ATXN2: variants seen among roughly 807,000 people sequenced by gnomAD.
ATXN2 encodes ataxin-2.
Under a neutral mutation model 138.6 loss-of-function variants are expected in ATXN2, and 37 were observed. The observed-to-expected ratio is 0.27, with a 90% CI of 0.21 to 0.35. The LOEUF is 0.35. Among genes scored for constraint, ATXN2 ranks in the 10% least tolerant of loss-of-function variants. The pLI is 1.00. For missense variants in ATXN2, 1,216 were observed against 1,480.3 expected (o/e 0.82, Z 2.93); for synonymous variants, 549 against 543.7 (o/e 1.01, Z -0.13).
At chr12:111,527,914 G>A (rs993638297) in intron 5 of ATXN2, among the ~76,000 whole-genome samples, 10 of 152,178 alleles carry the variant, frequency 6.6e-5, no homozygotes, top group African/African-American at 2.4e-4. Context: ...ATTTAGCCAT[G>A]TGTATTTTCA....
At chr12:111,589,086 G>A (rs906147421) in intron 1 of ATXN2, among the ~76,000 whole-genome samples, 4 of 149,612 alleles carry the variant, frequency 2.7e-5, no homozygotes, top group African/African-American at 4.9e-5. Flanking sequence ...AGGACGAGGC[G>A]GGTGGATCAT....
intron 8 of ATXN2, among the ~76,000 whole-genome samples, chr12:111,518,656 C>T (rs763872476): frequency 6.6e-6 from 1 of 152,188 alleles, no homozygotes; most frequent in African/African-American, 2.4e-5. Flanking sequence ...TTAACAGATG[C>T]GTGCTCATTC....
At chr12:111,462,969 T>TACACAC (rs199797015) in intron 21 of ATXN2, among the ~76,000 whole-genome samples, 3,128 of 136,144 alleles carry the variant, frequency 0.023, 115 homozygotes, top group African/African-American at 0.083. Flanking sequence ...CATACATATA[T>TACACAC]ATATATATAC....
intron 1 of ATXN2, among the ~76,000 whole-genome samples, chr12:111,567,991 T>G (rs1282144504): frequency 6.6e-6 from 1 of 152,166 alleles, no homozygotes; most frequent in Non-Finnish European, 1.5e-5. Flanking sequence ...CCGGGCGCAG[T>G]GGCTCACACC....
At chr12:111,591,596 T>G (rs1884667755) in intron 1 of ATXN2, among the ~76,000 whole-genome samples, 1 of 152,086 alleles carries the variant, frequency 6.6e-6, no homozygotes, top group Non-Finnish European at 1.5e-5. Flanking sequence ...CCCCATAGAT[T>G]GAGGCTGCAC....
chr12:111,542,722 A>G (rs1014058800), intron 5 of ATXN2, among the ~76,000 whole-genome samples: 3 of 152,138 alleles, frequency 2.0e-5, no homozygotes, highest in Non-Finnish European at 4.4e-5. Flanking sequence ...TCAGCCTCCA[A>G]AAGTGTTGAA....
intron 5 of ATXN2, among the ~76,000 whole-genome samples, chr12:111,539,618 G>A (rs985761808): frequency 2.7e-5 from 4 of 149,434 alleles, no homozygotes; most frequent in African/African-American, 4.9e-5. Context: ...GCTGTGGCGG[G>A]TACCTCTAGT....
At chr12:111,573,143 G>C (rs951130231) in intron 1 of ATXN2, among the ~76,000 whole-genome samples, 7 of 151,250 alleles carry the variant, frequency 4.6e-5, no homozygotes, top group Admixed American at 1.3e-4. Context: ...TTTTATTGCT[G>C]ACAATAATCA....
At position 111,480,613 on chromosome 12, in the gene ATXN2, T is replaced by G. The variant is rs1161493118; in HGVS notation, c.2524+4652A>C. On this transcript the variant is annotated intron_variant, in intron 18 of 24. Coordinates refer to ENST00000673436, the MANE Select transcript of ATXN2 (RefSeq NM_001372574.1). Reference sequence around the variant, plus strand: ...TCGCTTGAATCTGAGAGGCGGAGGTTGCAGTGAAGCTAAGTTAGCGCCACT... The same window carrying G: ...TCGCTTGAATCTGAGAGGCGGAGGTGGCAGTGAAGCTAAGTTAGCGCCACT... 2.6e-5 allele frequency among the ~76,000 whole-genome samples: 4 copies of G among 152,138 alleles called. No homozygotes were observed. The East Asian group carries it at 7.7e-4, about 29-fold the overall frequency.
chr12:111,542,492 A>C (rs1194509150), intron 5 of ATXN2, among the ~76,000 whole-genome samples: 1 of 152,040 alleles, frequency 6.6e-6, no homozygotes, highest in African/African-American at 2.4e-5. Context: ...TTTTTGAGAC[A>C]AGGTCTTGCT....
chr12:111,538,724 G>T (rs1881332124), intron 5 of ATXN2, among the ~76,000 whole-genome samples: 1 of 150,176 alleles, frequency 6.7e-6, no homozygotes, highest in Non-Finnish European at 1.5e-5. Context: ...ACTGAAAATT[G>T]TTTAGAAATG....
intron 1 of ATXN2, among the ~76,000 whole-genome samples, chr12:111,585,890 A>T (rs1884301098): frequency 7.1e-6 from 1 of 140,002 alleles, no homozygotes; most frequent in Non-Finnish European, 1.5e-5. Context: ...TTCCCATTTT[A>T]GTAGTTCCCA....
intron 1 of ATXN2, among the ~76,000 whole-genome samples, chr12:111,588,888 G>C (rs928953189): frequency 6.9e-6 from 1 of 144,974 alleles, no homozygotes; most frequent in Non-Finnish European, 1.5e-5. Context: ...CCAGCTACTC[G>C]GGAGGCTGAG....
chr12:111,520,172 A>G (rs1237618233), intron 7 of ATXN2, 96 bp from the exon 8 acceptor site: 5 of 1,430,940 alleles, frequency 3.5e-6, no homozygotes, highest in Non-Finnish European at 4.7e-6. Flanking sequence ...AGAGTTTAGA[A>G]TACTGGTAAA....
At chr12:111,485,168 T>C in intron 18 of ATXN2, 97 bp downstream of exon 18, 1 of 1,166,850 alleles carries the variant, frequency 8.6e-7, no homozygotes, top group Admixed American at 1.9e-5. Context: ...CATCAAAAAG[T>C]CAGAGCTAAA....
At chr12:111,476,876 G>A (rs1241343440) in intron 18 of ATXN2, among the ~76,000 whole-genome samples, 2 of 152,110 alleles carry the variant, frequency 1.3e-5, no homozygotes, top group Non-Finnish European at 1.5e-5. Context: ...TTCAAAGAAC[G>A]CAGAATAAGA....
At position 111,583,766 on chromosome 12, in the gene ATXN2, C is replaced by CAAAA. The variant is rs748838859; in HGVS notation, c.251+15014_251+15017dup. On this transcript the variant is annotated intron_variant, in intron 1 of 24. Transcript: ENST00000673436. ...TGGGCAACACAGCAAGACTCCGACT[C>CAAAA]AAAAAAAAAAAAAAAAAAAAAAAAC... 2.2e-3 allele frequency among the ~76,000 whole-genome samples: 127 copies of CAAAA among 58,028 alleles called. 7 individuals carry two copies. Among genetic ancestry groups the CAAAA allele is most frequent in the Non-Finnish European group, 2.5e-3 (86 of 34,114 alleles). The allele number at this position is 58,028 out of a possible 152,430, so 38.1% of individuals were successfully genotyped here. A position where few individuals can be genotyped will look rare whatever the true frequency, so the allele number is the denominator to read the frequency against.
At chr12:111,463,921 A>G (rs966468965) in intron 21 of ATXN2, among the ~76,000 whole-genome samples, 3 of 151,976 alleles carry the variant, frequency 2.0e-5, no homozygotes, top group Admixed American at 6.6e-5. Flanking sequence ...CTAGTAGCTG[A>G]GATTATAGGC....
chr12:111,478,295 A>G (rs992640317), intron 18 of ATXN2, among the ~76,000 whole-genome samples: 1 of 152,062 alleles, frequency 6.6e-6, no homozygotes, highest in Non-Finnish European at 1.5e-5. Flanking sequence ...AATCCCAGCT[A>G]CTTGGGAGGC....
Sources: gnomAD v4.1 joint callset for allele counts (sites outside exome capture counted in the v4.1 genomes callset) on GRCh38, gnomAD v4.1.1 for gene constraint, MANE v1.5 for transcripts, NCBI Gene and HGNC (gene_info 2026-07-23, HGNC 2026-07-21) for gene names.